FPR3: variants seen among roughly 807,000 people sequenced by gnomAD.
FPR3 encodes the protein formyl peptide receptor 3.
For missense variants in FPR3, 346 were observed against 443.2 expected (o/e 0.78, Z 1.97); for synonymous variants, 135 against 163.6 (o/e 0.83, Z 1.34).
At chr19:51,815,340 T>C (rs1003016009) in intron 1 of FPR3, among the ~76,000 whole-genome samples, 1 of 152,078 alleles carries the variant, frequency 6.6e-6, no homozygotes, top group Non-Finnish European at 1.5e-5. Context: ...GGTGGGTGGA[T>C]CTCAAAGTCA....
intron 1 of FPR3, chr19:51,805,131 T>C (rs2084049839): frequency 6.6e-6 from 1 of 152,238 alleles, no homozygotes; most frequent in African/African-American, 2.4e-5. Context: ...GAATGCTGAG[T>C]TGGTCACGTC....
intron 1 of FPR3, among the ~76,000 whole-genome samples, chr19:51,802,917 T>C (rs1236438407): frequency 1.3e-5 from 2 of 152,186 alleles, no homozygotes; most frequent in Non-Finnish European, 2.9e-5. Flanking sequence ...CTTCATATGG[T>C]TCCTTTCATA....
rs2083989003 is a variant in FPR3 at position 51,795,228 on chromosome 19, T to C, written c.-114T>C. On this transcript the variant is annotated 5_prime_UTR_variant, in exon 1 of 2. Transcript: ENST00000339223. ...TCTTTATAACCAAAGCCAATTAAGA[T>C]CTTAAAACCAAACATATAACTTCAT... 1 of 152,170 alleles carries C rather than the reference T, an allele frequency of 6.6e-6. No homozygotes were observed. The highest frequency in any genetic ancestry group is 2.4e-5 in the African/African-American group (1 of 41,428). The allele number at this position is 152,170 out of a possible 1,614,324, so 9.4% of individuals were successfully genotyped here.
intron 1 of FPR3, chr19:51,805,011 A>G (rs2084048873): frequency 6.6e-6 from 1 of 152,236 alleles, no homozygotes; most frequent in Non-Finnish European, 1.5e-5. Context: ...GCTTGGCGTC[A>G]GGAAGCGATT....
chr19:51,816,869 C>A (rs181274090), intron 1 of FPR3, among the ~76,000 whole-genome samples: 1 of 152,320 alleles, frequency 6.6e-6, no homozygotes, highest in South Asian at 2.1e-4. Context: ...AAAGCCCACA[C>A]ATATGCTGTT....
intron 1 of FPR3, among the ~76,000 whole-genome samples, chr19:51,813,390 G>A (rs191883747): frequency 3.3e-5 from 5 of 151,988 alleles, no homozygotes; most frequent in Middle Eastern, 3.4e-3. Flanking sequence ...CCATCACCTT[G>A]GTATGAGCAA....
chr19:51,824,713 A>C lies in FPR3; in HGVS notation c.965A>C (p.Glu322Ala). 2 of 1,614,098 alleles carry C rather than the reference A, an allele frequency of 1.2e-6. No individual in the cohort carries two copies. The highest frequency in any genetic ancestry group is 1.7e-6 in the Non-Finnish European group (2 of 1,179,994). Residue 322 changes from glutamate (E) to alanine (A), a missense_variant, in exon 2 of 2, where the codon GAG becomes GCG. Transcript: ENST00000339223. This position sits in a 1 kb window ranked among gnomAD's most constrained non-coding sequence, Gnocchi z 4.7. Reference protein sequence around the residue: ...RLIRSLPTSLERALTEVPDSA... With the variant: ...RLIRSLPTSLARALTEVPDSA... The stretch of plus-strand genomic sequence containing the variant: ...ATTCGCTCTTTGCCCACTAGTTTGG[A>C]GAGGGCCCTGACTGAGGTCCCTGAC...
intron 1 of FPR3, among the ~76,000 whole-genome samples, chr19:51,817,229 T>C (rs1020648016): frequency 1.3e-5 from 2 of 152,226 alleles, no homozygotes; most frequent in Admixed American, 1.3e-4. Flanking sequence ...GCAAAGTCTC[T>C]GCTGAAGCCT....
intron 1 of FPR3, among the ~76,000 whole-genome samples, chr19:51,818,221 T>C (rs1381971875): frequency 6.6e-6 from 1 of 152,226 alleles, no homozygotes; most frequent in East Asian, 1.9e-4. Flanking sequence ...AAGAACGCCA[T>C]GTATCTCATT....
In FPR3 at chr19:51,824,004, G is replaced by A. The variant is rs143250626; in HGVS notation, c.256G>A (p.Ala86Thr). The A allele has an allele frequency of 3.0e-5, 48 of 1,613,996 alleles. No individual in the cohort carries two copies. The East Asian group carries it at 6.0e-4, about 20-fold the overall frequency. ...CCTACCATTCCGAATGGTCTCAGTC[G>A]CCATGAGAGAAAAATGGCCTTTTGG... is the stretch of plus-strand genomic sequence containing the variant. ...AILPFRMVSV[A>T]MREKWPFGSF... Residue 86 changes from alanine to threonine, a missense_variant, in exon 2 of 2, where the codon GCC becomes ACC. Transcript: ENST00000339223. This position sits in a 1 kb window ranked among gnomAD's most constrained non-coding sequence, Gnocchi z 4.7.
chr19:51,816,022 G>A (rs529596852), intron 1 of FPR3, among the ~76,000 whole-genome samples: 1 of 151,402 alleles, frequency 6.6e-6, no homozygotes, highest in Non-Finnish European at 1.5e-5. Context: ...AGCTGTGACT[G>A]CACCACTACA....
rs181900186 is a variant in FPR3 at position 51,804,772 on chromosome 19, G to C, written c.-11+9441G>C. On this transcript the variant is annotated intron_variant, in intron 1 of 1. Coordinates refer to ENST00000339223, the MANE Select transcript of FPR3 (RefSeq NM_002030.5). ...ATGATCCCTGGTGGACTGAACAAAG[G>C]GGGGTGAATGCAGGAATAAAAGACA... The C allele has an allele frequency of 2.1e-3, 326 of 152,274 alleles. 3 individuals are homozygous for C. The South Asian group carries it at 0.023, about 11-fold the overall frequency. 9.4% of individuals were successfully genotyped at this position (152,274 alleles called of 1,614,324 possible).
At chr19:51,818,149 T>G (rs971706354) in intron 1 of FPR3, among the ~76,000 whole-genome samples, 2 of 152,234 alleles carry the variant, frequency 1.3e-5, no homozygotes, top group African/African-American at 2.4e-5. Flanking sequence ...TTTTCTCATT[T>G]AACCTTAAGT....
chr19:51,816,108 T>C (rs768956751), intron 1 of FPR3, among the ~76,000 whole-genome samples: 7 of 151,116 alleles, frequency 4.6e-5, no homozygotes, highest in Non-Finnish European at 1.0e-4. Context: ...TAGATGAGCT[T>C]CTTGAGTTGG....
intron 1 of FPR3, among the ~76,000 whole-genome samples, chr19:51,814,737 C>A (rs1463302049): frequency 6.6e-6 from 1 of 152,096 alleles, no homozygotes; most frequent in African/African-American, 2.4e-5. Flanking sequence ...GGGTGATCTG[C>A]CCACCTCGGC....
chr19:51,799,858 G>A (rs1207203105), intron 1 of FPR3, among the ~76,000 whole-genome samples: 1 of 152,244 alleles, frequency 6.6e-6, no homozygotes, highest in African/African-American at 2.4e-5. Flanking sequence ...GGCCTCGGTA[G>A]TGGTCCGGCC....
chr19:51,807,296 TTCTCAATAGATAAC>T (rs747955900), intron 1 of FPR3, among the ~76,000 whole-genome samples: 2 of 152,202 alleles, frequency 1.3e-5, no homozygotes, highest in South Asian at 2.1e-4. Flanking sequence ...GGCGCTAGAT[TTCTCAATAGATAAC>T]TCTCAATAGA....
In FPR3 at chr19:51,825,059, T is replaced by G; in HGVS notation, c.*249T>G. 4.8e-6 allele frequency: 2 copies of G among 418,512 alleles called. No individual in the cohort carries two copies. The highest frequency in any genetic ancestry group is 4.5e-6 in the Non-Finnish European group (1 of 223,954). 25.9% of individuals were successfully genotyped at this position (418,512 alleles called of 1,614,324 possible). ...CAGATCCCACAGGTTTAAGGGCTCA[T>G]TCCCCAAGTCTGCTCCTCCAGTTGA... On this transcript the variant is annotated 3_prime_UTR_variant, in exon 2 of 2. Transcript: ENST00000339223.
intron 1 of FPR3, among the ~76,000 whole-genome samples, chr19:51,806,242 C>T (rs2084057904): frequency 6.6e-6 from 1 of 152,154 alleles, no homozygotes; most frequent in Admixed American, 6.5e-5. Flanking sequence ...CATGTTTCTC[C>T]AGTCTCCCAT....
Sources: allele counts gnomAD v4.1 joint callset (sites outside exome capture counted in the v4.1 genomes callset), GRCh38; gene constraint gnomAD v4.1.1; non-coding constraint Gnocchi (gnomAD v3.1); transcripts MANE v1.5; gene names NCBI Gene and HGNC (gene_info 2026-07-23, HGNC 2026-07-21).